Variants in NAV2 observed in about 807,000 individuals in gnomAD.
The protein encoded by NAV2 is helicase, APC down-regulated 1.
Under a neutral mutation model 223.2 loss-of-function variants are expected in NAV2, and 54 were observed. That is an observed-to-expected ratio of 0.24 (90% CI 0.19 to 0.30). The LOEUF is 0.30. Among genes scored for constraint, NAV2 ranks in the 10% least tolerant of loss-of-function variants. The pLI is 1.00. For synonymous variants in NAV2, 1,279 were observed against 1,239.3 expected, an observed-to-expected ratio of 1.03 and a Z score of -0.67; for missense variants, 2,806 against 3,147.5, an observed-to-expected ratio of 0.89 and a Z score of 2.60.
intron 1 of NAV2, among the ~76,000 whole-genome samples, chr11:19,732,862 T>C (rs2051930300): frequency 6.6e-6 from 1 of 152,222 alleles, no homozygotes; most frequent in Admixed American, 6.5e-5. Flanking sequence ...CTTACGTGCC[T>C]CACACCAACT....
chr11:19,644,367 AT>A (rs1021461337), intron 1 of NAV2, among the ~76,000 whole-genome samples: 1 of 152,182 alleles, frequency 6.6e-6, no homozygotes. Flanking sequence ...CAGAGGAAGC[AT>A]TTTTTTGGTA....
chr11:19,612,688 T>C (rs149308717), intron 1 of NAV2, among the ~76,000 whole-genome samples: 1 of 152,318 alleles, frequency 6.6e-6, no homozygotes, highest in African/African-American at 2.4e-5. Context: ...GCCTGGACCT[T>C]ATTGTCCATA....
intron 1 of NAV2, among the ~76,000 whole-genome samples, chr11:19,669,777 G>T (rs1265940720): frequency 1.3e-5 from 2 of 152,158 alleles, no homozygotes; most frequent in African/African-American, 4.8e-5. Context: ...GCCTTTCAGT[G>T]CCCTTTTAAG....
intron 1 of NAV2, among the ~76,000 whole-genome samples, chr11:19,624,138 C>T (rs1228177380): frequency 6.6e-6 from 1 of 152,156 alleles, no homozygotes; most frequent in African/African-American, 2.4e-5. Context: ...AGCTTCATCT[C>T]AGAGGGGCAC....
chr11:20,026,177 A>G (rs527633409), intron 11 of NAV2, among the ~76,000 whole-genome samples: 2 of 152,302 alleles, frequency 1.3e-5, no homozygotes, highest in East Asian at 3.9e-4. Context: ...GTTAGTGACT[A>G]CATTCTGTCC....
In NAV2 at chr11:20,083,253, C is replaced by G. The variant is rs908618152; in HGVS notation, c.5498+74C>G. Reference sequence around the variant, plus strand: ...TCTCCAGTAGGAATGGCTAGGAGTCCTGTTATGACACATCTGCTCCTTGGG... The same window carrying G: ...TCTCCAGTAGGAATGGCTAGGAGTCGTGTTATGACACATCTGCTCCTTGGG... On this transcript the variant is annotated intron_variant, in intron 26 of 37. Coordinates refer to ENST00000349880, the MANE Select transcript of NAV2 (RefSeq NM_145117.5). 4.9e-6 allele frequency: 6 copies of G among 1,228,864 alleles called. No homozygotes were observed. The African/African-American group carries it at 9.0e-5, about 18-fold the overall frequency. The allele number at this position is 1,228,864 out of a possible 1,614,324, so 76.1% of individuals were successfully genotyped here. A position where few individuals can be genotyped will look rare whatever the true frequency, so the allele number is the denominator to read the frequency against.
chr11:19,618,087 C>T (rs538122507), intron 1 of NAV2, among the ~76,000 whole-genome samples: 80 of 152,340 alleles, frequency 5.3e-4, no homozygotes, highest in Non-Finnish European at 1.0e-3. Flanking sequence ...TGTTGTCTTT[C>T]ATTCCTCCCT....
intron 1 of NAV2, among the ~76,000 whole-genome samples, chr11:19,376,953 T>C (rs1299162172): frequency 1.3e-5 from 2 of 152,198 alleles, no homozygotes; most frequent in African/African-American, 4.8e-5. Context: ...TGAGCTCAGT[T>C]GTCAAGAAAG....
intron 1 of NAV2, among the ~76,000 whole-genome samples, chr11:19,509,159 C>T (rs1355682617): frequency 6.6e-6 from 1 of 152,184 alleles, no homozygotes; most frequent in Non-Finnish European, 1.5e-5. Flanking sequence ...CTTCAGTGTC[C>T]TCTTCTGTAA....
chr11:19,688,614 T>C (rs2049086070), intron 1 of NAV2, among the ~76,000 whole-genome samples: 1 of 152,230 alleles, frequency 6.6e-6, no homozygotes, highest in African/African-American at 2.4e-5. Context: ...CAAGCTCTGC[T>C]ATCAGGAAGC....
chr11:19,818,132 T>A (rs2059193893), intron 1 of NAV2, among the ~76,000 whole-genome samples: 2 of 151,640 alleles, frequency 1.3e-5, no homozygotes, highest in South Asian at 4.2e-4. Context: ...CCCATCATTC[T>A]ACAAAACAAA....
intron 3 of NAV2, among the ~76,000 whole-genome samples, chr11:19,851,143 A>G (rs2152976149): frequency 6.6e-6 from 1 of 152,288 alleles, no homozygotes; most frequent in African/African-American, 2.4e-5. Context: ...TGTGATTGCC[A>G]TTTTATAGAT....
intron 8 of NAV2, among the ~76,000 whole-genome samples, chr11:19,943,811 C>T (rs2046604848): frequency 6.6e-6 from 1 of 152,172 alleles, no homozygotes; most frequent in South Asian, 2.1e-4. Context: ...CTTCTCAGCT[C>T]TCCCTAAAAT....
At chr11:20,076,918 C>CTT (rs1303489981) in intron 22 of NAV2, among the ~76,000 whole-genome samples, 3 of 152,132 alleles carry the variant, frequency 2.0e-5, no homozygotes, top group African/African-American at 7.2e-5. Context: ...AAAGTGGTAA[C>CTT]CCCCTGGAGG....
chr11:19,453,873 T>C (rs1313231120), intron 1 of NAV2, among the ~76,000 whole-genome samples: 1 of 152,246 alleles, frequency 6.6e-6, no homozygotes, highest in Admixed American at 6.5e-5. Context: ...TCCATTGGCC[T>C]TCCTGTCACT....
At chr11:19,593,993 A>T (rs2046132750) in intron 1 of NAV2, among the ~76,000 whole-genome samples, 1 of 152,134 alleles carries the variant, frequency 6.6e-6, no homozygotes, top group Admixed American at 6.5e-5. Flanking sequence ...TCCTCACGAC[A>T]ACTCATGAAG....
intron 1 of NAV2, among the ~76,000 whole-genome samples, chr11:19,623,250 T>C (rs1293528532): frequency 6.6e-6 from 1 of 152,194 alleles, no homozygotes; most frequent in Admixed American, 6.5e-5. Context: ...GTCTTGGAGT[T>C]GCTCTTCTAG....
chr11:19,971,133 C>G (rs1157642094), intron 10 of NAV2, among the ~76,000 whole-genome samples: 2 of 152,116 alleles, frequency 1.3e-5, no homozygotes, highest in Non-Finnish European at 2.9e-5. Flanking sequence ...GAGAGCACAT[C>G]ATCTGGTTTT....
chr11:20,088,672 T>C (rs560252686), intron 26 of NAV2, among the ~76,000 whole-genome samples: 1 of 152,332 alleles, frequency 6.6e-6, no homozygotes, highest in East Asian at 1.9e-4. Flanking sequence ...AAGTAACCCA[T>C]GTGATACGTT....
Sources: allele counts gnomAD v4.1 joint callset (sites outside exome capture counted in the v4.1 genomes callset), GRCh38; gene constraint gnomAD v4.1.1; transcripts MANE v1.5; gene names NCBI Gene and HGNC (gene_info 2026-07-23, HGNC 2026-07-21).